The following GLI2 variants were observed in gnomAD, a reference collection of about 807,000 sequenced individuals.
GLI2 encodes the protein transcription activator GLI2.
Under a neutral mutation model 78.9 loss-of-function variants are expected in GLI2, and 22 were observed. That is an observed-to-expected ratio of 0.28 (90% CI 0.20 to 0.40). GLI2 has a LOEUF of 0.40. Among genes scored for constraint, GLI2 ranks in the 10% least tolerant of loss-of-function variants. The probability of loss-of-function intolerance (pLI) is 1.00; values close to 1 mark genes in which losing one functional copy is unlikely to be tolerated. For missense variants in GLI2, 2,097 were observed against 2,213.2 expected (o/e 0.95, Z 1.05); for synonymous variants, 974 against 963.7 (o/e 1.01, Z -0.20).
chr2:120,889,078 G>T (rs77606305), intron 2 of GLI2, among the ~76,000 whole-genome samples: 276 of 152,296 alleles, frequency 1.8e-3, no homozygotes, highest in African/African-American at 5.8e-3. Flanking sequence ...CTGCAGGACC[G>T]CGGAGAAACA....
chr2:120,821,965 C>T (rs2121988), intron 2 of GLI2, among the ~76,000 whole-genome samples: 68,702 of 152,112 alleles, frequency 0.45, 15,783 homozygotes, highest in South Asian at 0.52. Context: ...GAAAGTGGCA[C>T]TGGGGATGCC....
rs1458972430 is a variant in GLI2 at position 120,989,829 on chromosome 2, C to T, written c.3864C>T (p.Pro1288=). 3.1e-6 allele frequency: 5 copies of T among 1,611,846 alleles called. No homozygotes were observed. The highest frequency in any genetic ancestry group is 2.7e-5 in the African/African-American group (2 of 74,926). The part of the protein sequence containing the change: ...MGNRHRELGV[P]DSALAGVPPP... ...ATCGCCACAGGGAACTTGGGGTCCC[C>T]GATTCAGCCCTGGCTGGAGTGCCAC... Residue 1288 remains proline (P), a synonymous_variant, in exon 14 of 14, where the codon CCC becomes CCT. Coordinates refer to ENST00000361492, the MANE Select transcript of GLI2 (RefSeq NM_001374353.1).
chr2:120,942,631 ACG>A (rs1680505649), intron 3 of GLI2, among the ~76,000 whole-genome samples: 2 of 152,186 alleles, frequency 1.3e-5, no homozygotes, highest in Non-Finnish European at 1.5e-5. Flanking sequence ...TGAGCCCCCC[ACG>A]TGCCTTCCCT....
chr2:120,948,778 T>C (rs1680838367), intron 3 of GLI2, among the ~76,000 whole-genome samples: 1 of 152,098 alleles, frequency 6.6e-6, no homozygotes, highest in Admixed American at 6.5e-5. Context: ...AGGCTGGCAT[T>C]CCCGGGACCT....
chr2:120,809,305 TA>T (rs1685118606), intron 2 of GLI2, among the ~76,000 whole-genome samples: 1 of 152,146 alleles, frequency 6.6e-6, no homozygotes, highest in African/African-American at 2.4e-5. Flanking sequence ...ATGAATTGTC[TA>T]GAATGACAAA....
At chr2:120,925,777 A>C (rs2104863131) in intron 2 of GLI2, among the ~76,000 whole-genome samples, 1 of 152,340 alleles carries the variant, frequency 6.6e-6, no homozygotes, top group East Asian at 1.9e-4. Context: ...GCATGTAAAA[A>C]AATGGTTTAA....
intron 2 of GLI2, among the ~76,000 whole-genome samples, chr2:120,865,379 G>C (rs958526315): frequency 1.4e-4 from 22 of 152,166 alleles, no homozygotes; most frequent in African/African-American, 5.1e-4. Context: ...TTCTGTCCTC[G>C]CCACTAGGAG....
chr2:120,989,107 G>A lies in GLI2; in HGVS notation c.3142G>A (p.Asp1048Asn). The A allele has an allele frequency of 6.2e-6, 10 of 1,612,796 alleles. No homozygotes were observed. The highest frequency in any genetic ancestry group is 8.5e-6 in the Non-Finnish European group (10 of 1,179,938). The stretch of plus-strand genomic sequence containing the variant: ...GGAGGACGACCTGGTGCTTCCAGAC[G>A]ACGTGGTGCAGTACATCAAGGCGCA... ...LPEDDLVLPDDVVQYIKAHAS... is the reference protein window; with the variant it reads ...LPEDDLVLPDNVVQYIKAHAS... Residue 1048 changes from aspartate to asparagine, a missense_variant, in exon 14 of 14, where the codon GAC becomes AAC. Asp to Asn is a conservative substitution (Grantham distance 23). This residue lies in a region of GLI2 where 1,290 missense variants were observed against 1,261.7 expected (regional missense o/e 1.02). Coordinates refer to ENST00000361492, the MANE Select transcript of GLI2 (RefSeq NM_001374353.1).
intron 2 of GLI2, among the ~76,000 whole-genome samples, chr2:120,818,437 T>A (rs1397373610): frequency 1.3e-5 from 2 of 152,192 alleles, no homozygotes; most frequent in African/African-American, 4.8e-5. Flanking sequence ...CTAGTCTGGG[T>A]GCATTTAGTG....
At chr2:120,862,535 T>C (rs1319500392) in intron 2 of GLI2, among the ~76,000 whole-genome samples, 3 of 152,188 alleles carry the variant, frequency 2.0e-5, no homozygotes, top group African/African-American at 7.2e-5. Context: ...CTCTGTCTTC[T>C]GTGGGGTGGA....
intron 2 of GLI2, among the ~76,000 whole-genome samples, chr2:120,912,533 C>T (rs1678875851): frequency 6.6e-6 from 1 of 152,122 alleles, no homozygotes; most frequent in African/African-American, 2.4e-5. Flanking sequence ...TTCCATGCGC[C>T]ACAGTGGTCG....
intron 2 of GLI2, among the ~76,000 whole-genome samples, chr2:120,895,999 A>C (rs539966205): frequency 5.3e-5 from 8 of 152,288 alleles, no homozygotes; most frequent in African/African-American, 1.9e-4. Context: ...TTTATGGGTG[A>C]GGAAACTGAG....
At chr2:120,811,316 A>G (rs11122818) in intron 2 of GLI2, among the ~76,000 whole-genome samples, 140,798 of 152,226 alleles carry the variant, frequency 0.92, 65,821 homozygotes, top group East Asian at 1. Flanking sequence ...TGGTCATTCT[A>G]TCCCCCCAGC....
intron 2 of GLI2, among the ~76,000 whole-genome samples, chr2:120,917,493 C>G (rs1423661776): frequency 5.3e-5 from 8 of 152,242 alleles, no homozygotes; most frequent in Non-Finnish European, 1.2e-4. Flanking sequence ...GATGCAGTAC[C>G]CTGCCCAGCC....
At chr2:120,928,167 G>A (rs552909907) in intron 3 of GLI2, among the ~76,000 whole-genome samples, 62 of 152,010 alleles carry the variant, frequency 4.1e-4, no homozygotes, top group African/African-American at 1.4e-3. Flanking sequence ...ACTGCTCCCC[G>A]CACCTGCCTC....
At chr2:120,921,928 A>T (rs960189945) in intron 2 of GLI2, among the ~76,000 whole-genome samples, 1 of 152,122 alleles carries the variant, frequency 6.6e-6, no homozygotes, top group African/African-American at 2.4e-5. Context: ...TGAATTTGCT[A>T]TTCCTTCTGC....
intron 2 of GLI2, among the ~76,000 whole-genome samples, chr2:120,803,939 C>G (rs1039802470): frequency 3.9e-5 from 6 of 152,034 alleles, no homozygotes; most frequent in Non-Finnish European, 8.8e-5. Context: ...GGGGCTGTGA[C>G]CAGGCTAGCA....
At chr2:120,750,838 G>A (rs1191032752) in intron 1 of GLI2, among the ~76,000 whole-genome samples, 2 of 152,216 alleles carry the variant, frequency 1.3e-5, no homozygotes, top group Admixed American at 6.5e-5. Context: ...TGTTTACCAG[G>A]GAGCACTTCT....
chr2:120,924,706 T>C (rs1679574879), intron 2 of GLI2, among the ~76,000 whole-genome samples: 1 of 152,220 alleles, frequency 6.6e-6, no homozygotes, highest in African/African-American at 2.4e-5. Flanking sequence ...GGTCTCTTGG[T>C]CTGTGAGCAA....
Sources: gnomAD v4.1 joint callset for allele counts (sites outside exome capture counted in the v4.1 genomes callset) on GRCh38, gnomAD v4.1.1 for gene constraint, gnomAD v4.1.1 regional missense constraint, MANE v1.5 for transcripts, NCBI Gene and HGNC (gene_info 2026-07-23, HGNC 2026-07-21) for gene names.